XRCC4: variants seen among roughly 807,000 people sequenced by gnomAD.
XRCC4 encodes the protein DNA repair protein XRCC4.
Under a neutral mutation model 39.1 loss-of-function variants are expected in XRCC4, and 28 were observed. The ratio of observed to expected loss-of-function variants is 0.72; its 90% CI spans 0.53 to 0.98. The LOEUF (loss-of-function observed/expected upper bound fraction) is 0.98, where lower values mean the gene tolerates loss of function less well. Ranked by LOEUF, XRCC4 falls within the 50% of genes least tolerant of loss-of-function variation. The probability of loss-of-function intolerance (pLI) is 0.00; values close to 1 mark genes in which losing one functional copy is unlikely to be tolerated. For synonymous variants in XRCC4, 123 were observed against 126.4 expected (o/e 0.97, Z 0.18); for missense variants, 350 against 376.4 (o/e 0.93, Z 0.58).
intron 7 of XRCC4, among the ~76,000 whole-genome samples, chr5:83,325,407 A>G (rs1413212089): frequency 6.6e-6 from 1 of 151,868 alleles, no homozygotes; most frequent in Admixed American, 6.6e-5. Context: ...TCATCCCATC[A>G]CCCAGGTATT....
chr5:83,160,097 G>T (rs1749135384), intron 3 of XRCC4, among the ~76,000 whole-genome samples: 1 of 152,082 alleles, frequency 6.6e-6, no homozygotes, highest in African/African-American at 2.4e-5. Flanking sequence ...AAAAGAAATA[G>T]AAATAGCCCT....
At chr5:83,161,421 C>A (rs1394806494) in intron 3 of XRCC4, among the ~76,000 whole-genome samples, 1 of 152,082 alleles carries the variant, frequency 6.6e-6, no homozygotes, top group Non-Finnish European at 1.5e-5. Context: ...TGTGAGCCAC[C>A]ACGACCGGCC....
intron 7 of XRCC4, among the ~76,000 whole-genome samples, chr5:83,283,050 C>CAAAAAAA (rs199980796): frequency 1.7e-5 from 1 of 58,252 alleles, no homozygotes; most frequent in African/African-American, 6.9e-5. Context: ...ATAGCCAGAC[C>CAAAAAAA]AAAAAAAAAA....
At chr5:83,116,624 T>G (rs1278077537) in intron 3 of XRCC4, among the ~76,000 whole-genome samples, 11 of 138,098 alleles carry the variant, frequency 8.0e-5, no homozygotes, top group African/African-American at 2.9e-4. Context: ...TTTTTTTTTT[T>G]TTTTTTTTTT....
intron 6 of XRCC4, among the ~76,000 whole-genome samples, chr5:83,218,985 A>G (rs1158128080): frequency 6.6e-6 from 1 of 152,102 alleles, no homozygotes; most frequent in East Asian, 1.9e-4. Context: ...ATTTACTCAC[A>G]TTCTGGAGGC....
intron 7 of XRCC4, among the ~76,000 whole-genome samples, chr5:83,306,211 A>G (rs542290976): frequency 2.0e-5 from 3 of 151,564 alleles, no homozygotes; most frequent in Non-Finnish European, 4.4e-5. Flanking sequence ...CAGTACTTTT[A>G]TATATATATA....
At chr5:83,262,209 T>C (rs907739670) in intron 7 of XRCC4, among the ~76,000 whole-genome samples, 5 of 152,180 alleles carry the variant, frequency 3.3e-5, no homozygotes, top group Admixed American at 1.3e-4. Context: ...CATAAAGATA[T>C]AGTTCTTTTG....
chr5:83,226,673 G>A (rs1372282493), intron 6 of XRCC4, among the ~76,000 whole-genome samples: 13 of 152,102 alleles, frequency 8.5e-5, no homozygotes, highest in Non-Finnish European at 2.9e-5. Flanking sequence ...CACTGCCTGG[G>A]ATAGGATCTG....
intron 1 of XRCC4, among the ~76,000 whole-genome samples, chr5:83,081,762 C>T (rs1744950358): frequency 6.6e-6 from 1 of 152,196 alleles, no homozygotes; most frequent in South Asian, 2.1e-4. Context: ...TTTTCAACCC[C>T]ATTTGTTTGC....
intron 3 of XRCC4, among the ~76,000 whole-genome samples, chr5:83,113,703 T>G (rs1222208604): frequency 6.6e-6 from 1 of 151,818 alleles, no homozygotes; most frequent in Non-Finnish European, 1.5e-5. Flanking sequence ...CTCCACTCAC[T>G]GCAAGCTCCG....
chr5:83,298,475 A>G (rs572437304), intron 7 of XRCC4, among the ~76,000 whole-genome samples: 5 of 151,816 alleles, frequency 3.3e-5, no homozygotes, highest in Non-Finnish European at 7.4e-5. Context: ...TTATAAAATG[A>G]CTCTCAGTAT....
At chr5:83,144,354 C>G (rs1186457715) in intron 3 of XRCC4, among the ~76,000 whole-genome samples, 2 of 147,394 alleles carry the variant, frequency 1.4e-5, no homozygotes, top group African/African-American at 2.5e-5. Context: ...CTAATTTGAT[C>G]AAGTTTGTAA....
At chr5:83,095,317 A>G (rs181507854) in intron 1 of XRCC4, among the ~76,000 whole-genome samples, 1 of 152,222 alleles carries the variant, frequency 6.6e-6, no homozygotes, top group East Asian at 1.9e-4. Flanking sequence ...CACAGGGTGT[A>G]TTCCTTTATT....
chr5:83,226,341 G>A (rs1221491300), intron 6 of XRCC4, among the ~76,000 whole-genome samples: 1 of 152,030 alleles, frequency 6.6e-6, no homozygotes, highest in Non-Finnish European at 1.5e-5. Context: ...CCCTCGAGTT[G>A]TGTTTCATAA....
chr5:83,281,333 A>C (rs909932730), intron 7 of XRCC4, among the ~76,000 whole-genome samples: 7 of 152,122 alleles, frequency 4.6e-5, no homozygotes, highest in Non-Finnish European at 7.4e-5. Flanking sequence ...CTTTTTAATG[A>C]GTCCCTACAG....
At chr5:83,264,254 ATATCT>A (rs922765143) in intron 7 of XRCC4, among the ~76,000 whole-genome samples, 2 of 152,160 alleles carry the variant, frequency 1.3e-5, no homozygotes, top group African/African-American at 2.4e-5. Flanking sequence ...CAAAGTGACT[ATATCT>A]ATTAAAGCTT....
At chr5:83,205,053 T>A in intron 6 of XRCC4, 132 bp downstream of exon 6, 1 of 610,166 alleles carries the variant, frequency 1.6e-6, no homozygotes, top group Non-Finnish European at 2.7e-6. Flanking sequence ...ATTTTTATTT[T>A]AAAAACTCAA....
At chr5:83,245,459 C>G (rs1753065822) in intron 6 of XRCC4, among the ~76,000 whole-genome samples, 1 of 151,478 alleles carries the variant, frequency 6.6e-6, no homozygotes, top group Admixed American at 6.6e-5. Flanking sequence ...AAAATATAAA[C>G]AAAAGAGAAA....
At chr5:83,219,503 G>A (rs749406835) in intron 6 of XRCC4, among the ~76,000 whole-genome samples, 36 of 152,158 alleles carry the variant, frequency 2.4e-4, no homozygotes, top group Non-Finnish European at 2.2e-4. Flanking sequence ...AAAGGGAACT[G>A]AAGTCTACAA....
Sources: allele counts gnomAD v4.1 joint callset (sites outside exome capture counted in the v4.1 genomes callset), GRCh38; gene constraint gnomAD v4.1.1; transcripts MANE v1.5; gene names NCBI Gene and HGNC (gene_info 2026-07-23, HGNC 2026-07-21).